ARHGAP26: variants seen among roughly 807,000 people sequenced by gnomAD.
ARHGAP26 encodes the protein Rho GTPase activating protein 26.
Under a neutral mutation model 104.8 loss-of-function variants are expected in ARHGAP26, and 38 were observed. That is an observed-to-expected ratio of 0.36 (90% confidence interval 0.28 to 0.48). The LOEUF is 0.48. ARHGAP26 is among the 20% of genes least tolerant of loss of function. The probability of loss-of-function intolerance (pLI) is 0.99; values close to 1 mark genes in which losing one functional copy is unlikely to be tolerated. For synonymous variants in ARHGAP26, 341 were observed against 340.0 expected, an observed-to-expected ratio of 1.00 and a Z score of -0.03; for missense variants, 704 against 947.9, an observed-to-expected ratio of 0.74 and a Z score of 3.38.
intron 17 of ARHGAP26, among the ~76,000 whole-genome samples, chr5:143,097,360 G>GAAAAAAAAAAAAA (rs56116431): frequency 2.4e-4 from 15 of 63,178 alleles, no homozygotes; most frequent in Middle Eastern, 0.015. Flanking sequence ...TCAAAAAAAA[G>GAAAAAAAAAAAAA]AAAAAAAAAA....
At position 143,069,472 on chromosome 5, in the gene ARHGAP26, A is replaced by G. The variant is rs78669622; in HGVS notation, c.1538+11725A>G. ...CTTTGTCCCCTTGTGAATCTGCTGC[A>G]GGTTAACATTCCTAGTAAAAAGAGT... On this transcript the variant is annotated intron_variant, in intron 17 of 22. Coordinates refer to ENST00000645722, the MANE Select transcript of ARHGAP26 (RefSeq NM_001135608.3). Among the ~76,000 whole-genome samples the G allele has an allele frequency of 6.8e-3, 1,031 of 152,314 alleles. 12 individuals carry two copies. The highest frequency in any genetic ancestry group is 0.023 in the African/African-American group (960 of 41,566).
intron 21 of ARHGAP26, among the ~76,000 whole-genome samples, chr5:143,209,325 A>G (rs1430166127): frequency 1.3e-5 from 2 of 151,436 alleles, no homozygotes; most frequent in Admixed American, 6.6e-5. Context: ...ACTTCTTCCT[A>G]CCTCCCAAAG....
intron 22 of ARHGAP26, among the ~76,000 whole-genome samples, chr5:143,216,965 C>G (rs1006848889): frequency 6.6e-6 from 1 of 152,166 alleles, no homozygotes; most frequent in Non-Finnish European, 1.5e-5. Context: ...CATTACAGAA[C>G]ACTATTATTC....
At chr5:143,056,232 C>T (rs1343236937) in intron 16 of ARHGAP26, 146 bp downstream of exon 16, 17 of 603,186 alleles carry the variant, frequency 2.8e-5, no homozygotes, top group Admixed American at 1.6e-4. Context: ...GATTCTAACA[C>T]GGAATAAAAA....
At chr5:142,903,760 A>G in intron 8 of ARHGAP26, 91 bp downstream of exon 8, 5 of 1,332,954 alleles carry the variant, frequency 3.8e-6, no homozygotes, top group Non-Finnish European at 5.1e-6. Flanking sequence ...ACCTTACTGT[A>G]GATACATGCT....
chr5:143,161,004 ATTTTTT>A (rs11361288), intron 20 of ARHGAP26, among the ~76,000 whole-genome samples: 27 of 93,540 alleles, frequency 2.9e-4, no homozygotes, highest in African/African-American at 1.0e-3. Context: ...GCTATTTCAG[ATTTTTT>A]TTTTTTTTTT....
At position 142,999,049 on chromosome 5, in the gene ARHGAP26, A is replaced by T. The variant is rs756102783; in HGVS notation, c.1108-15031A>T. On this transcript the variant is annotated intron_variant, in intron 11 of 22. Coordinates refer to ENST00000645722, the MANE Select transcript of ARHGAP26 (RefSeq NM_001135608.3). ...CAGGACCTAAAGGGGTTCATTCATGATGGTGAAATATTAAAAATTATAGGG... is the reference window on the plus strand; with the variant it reads ...CAGGACCTAAAGGGGTTCATTCATGTTGGTGAAATATTAAAAATTATAGGG... Among the ~76,000 whole-genome samples, 4 of 152,320 alleles carry T rather than the reference A, an allele frequency of 2.6e-5. No individual in the cohort carries two copies. The East Asian group carries it at 7.7e-4, about 29-fold the overall frequency.
chr5:142,814,271 T>C (rs1764684257), intron 1 of ARHGAP26, among the ~76,000 whole-genome samples: 1 of 152,250 alleles, frequency 6.6e-6, no homozygotes, highest in African/African-American at 2.4e-5. Context: ...TCCGGTAATC[T>C]GCAACTTCCC....
chr5:143,041,851 G>T lies in ARHGAP26; in HGVS notation c.1246G>T (p.Val416Phe). The change falls in exon 14 of 23, where the codon GTC (valine) becomes TTC (phenylalanine). Residue 416 changes from valine to phenylalanine, a missense_variant. Val to Phe is a conservative substitution (Grantham distance 50). This residue lies in a region of ARHGAP26 where 287 missense variants were observed against 438.8 expected (regional missense o/e 0.65). Transcript: ENST00000645722. ...NEQGLYRIVG[V>F]NSRVQKLLSV... ...GCAAGGGCTGTATCGAATTGTGGGT[G>T]TCAACTCCAGAGTGCAGAAGTTGCT... The T allele has an allele frequency of 6.2e-7, 1 of 1,602,882 alleles. No homozygotes were observed. Among genetic ancestry groups the T allele is most frequent in the Non-Finnish European group, 8.5e-7 (1 of 1,174,280 alleles).
intron 1 of ARHGAP26, among the ~76,000 whole-genome samples, chr5:142,804,567 C>T (rs956558093): frequency 6.6e-6 from 1 of 151,752 alleles, no homozygotes; most frequent in African/African-American, 2.4e-5. Context: ...TCTCGGCCCA[C>T]TGCAACCTCT....
intron 20 of ARHGAP26, among the ~76,000 whole-genome samples, chr5:143,176,342 T>C (rs957472045): frequency 4.6e-5 from 7 of 152,320 alleles, no homozygotes; most frequent in African/African-American, 1.7e-4. Flanking sequence ...GTTCACTTCT[T>C]AGATGGTAGG....
chr5:142,813,105 C>G (rs1764435645), intron 1 of ARHGAP26, among the ~76,000 whole-genome samples: 1 of 151,788 alleles, frequency 6.6e-6, no homozygotes, highest in Non-Finnish European at 1.5e-5. Context: ...GCCCGGCTAA[C>G]TTTTTTTGTA....
intron 20 of ARHGAP26, among the ~76,000 whole-genome samples, chr5:143,186,674 A>G (rs979133301): frequency 6.6e-6 from 1 of 152,228 alleles, no homozygotes; most frequent in African/African-American, 2.4e-5. Flanking sequence ...CTTTGGGCAC[A>G]GGTAATTTGA....
At chr5:142,832,272 T>G (rs1192093026) in intron 1 of ARHGAP26, among the ~76,000 whole-genome samples, 1 of 152,246 alleles carries the variant, frequency 6.6e-6, no homozygotes, top group Non-Finnish European at 1.5e-5. Context: ...TACTTGGAGA[T>G]AGGGCCTATA....
chr5:143,087,893 C>A (rs547750014), intron 17 of ARHGAP26, among the ~76,000 whole-genome samples: 4 of 151,618 alleles, frequency 2.6e-5, no homozygotes, highest in East Asian at 3.9e-4. Flanking sequence ...AGGTGATACA[C>A]CCGCCTCGGC....
At chr5:142,908,178 A>T (rs1269310778) in intron 9 of ARHGAP26, among the ~76,000 whole-genome samples, 1 of 152,218 alleles carries the variant, frequency 6.6e-6, no homozygotes, top group Non-Finnish European at 1.5e-5. Flanking sequence ...GGCAACATAG[A>T]TGTCCTGGTT....
chr5:142,936,363 C>T (rs1244600371), intron 11 of ARHGAP26, among the ~76,000 whole-genome samples: 3 of 152,106 alleles, frequency 2.0e-5, no homozygotes, highest in Non-Finnish European at 4.4e-5. Flanking sequence ...TTACAAACTG[C>T]TGCTGAAAGA....
At chr5:142,947,560 G>C (rs1481740835) in intron 11 of ARHGAP26, among the ~76,000 whole-genome samples, 1 of 152,154 alleles carries the variant, frequency 6.6e-6, no homozygotes, top group Non-Finnish European at 1.5e-5. Context: ...GATTGATCCT[G>C]TCTGTTATAA....
chr5:142,793,252 C>CTTTTTTTTT (rs56941301), intron 1 of ARHGAP26, among the ~76,000 whole-genome samples: 7 of 107,140 alleles, frequency 6.5e-5, no homozygotes, highest in East Asian at 6.4e-4. Flanking sequence ...TATCCCTTTG[C>CTTTTTTTTT]TTTTTTTTTT....
Sources: allele counts gnomAD v4.1 joint callset (sites outside exome capture counted in the v4.1 genomes callset), GRCh38; gene constraint gnomAD v4.1.1; regional missense constraint gnomAD v4.1.1; transcripts MANE v1.5; gene names NCBI Gene and HGNC (gene_info 2026-07-23, HGNC 2026-07-21).